Variants in PCDHA2 observed in about 807,000 individuals in gnomAD.
The protein encoded by PCDHA2 is protocadherin alpha 2.
PCDHA2 carries 58 observed loss-of-function variants against 66.0 expected under a neutral mutation model. That is an observed-to-expected ratio of 0.88 (90% CI 0.71 to 1.09). PCDHA2 has a LOEUF of 1.09. Ranked by LOEUF, PCDHA2 falls within the 50% of genes least tolerant of loss-of-function variation. The pLI is 0.00. For synonymous variants in PCDHA2, 634 were observed against 554.0 expected (o/e 1.14, Z -2.03); for missense variants, 1,267 against 1,242.3 (o/e 1.02, Z -0.30).
At chr5:140,947,769 A>G (rs2094173274) in intron 1 of PCDHA2, among the ~76,000 whole-genome samples, 1 of 151,626 alleles carries the variant, frequency 6.6e-6, no homozygotes, top group South Asian at 2.1e-4. Context: ...AAAAAATTCT[A>G]TTGTAAATGG....
At chr5:141,001,314 T>A (rs34374778) in intron 3 of PCDHA2, among the ~76,000 whole-genome samples, 7,675 of 152,288 alleles carry the variant, frequency 0.05, 243 homozygotes, top group South Asian at 0.11. Flanking sequence ...TGAAATAATT[T>A]GCCAAACATC....
chr5:140,848,601 C>T (rs2150414189), intron 1 of PCDHA2: 4 of 1,593,618 alleles, frequency 2.5e-6, no homozygotes, highest in Admixed American at 3.4e-5. Context: ...CTACTCCGTC[C>T]CGGAGGAAGC....
chr5:140,795,951 A>G lies in PCDHA2; in HGVS notation c.987A>G (p.Ser329=). 1 of 1,614,148 alleles carries G rather than the reference A, an allele frequency of 6.2e-7. No individual in the cohort carries two copies. The highest frequency in any genetic ancestry group is 1.6e-4 in the Middle Eastern group (1 of 6,062). Residue 329 remains serine, a synonymous_variant, in exon 1 of 4, where the codon TCA becomes TCG. Coordinates refer to ENST00000526136, the MANE Select transcript of PCDHA2 (RefSeq NM_018905.3). ...QVTATDKGTP[S]MSGHCKISLK... ...CTGCAACTGACAAAGGAACCCCTTC[A>G]ATGTCAGGACATTGTAAAATTTCAT...
rs1299292999 is a variant in PCDHA2, at chr5:140,940,635, T to G, written c.2389-38314T>G. Among the ~76,000 whole-genome samples the G allele has an allele frequency of 5.3e-5, 8 of 152,214 alleles. 1 individual carries two copies. The highest frequency in any genetic ancestry group is 5.2e-4 in the Admixed American group (8 of 15,286). On this transcript the variant is annotated intron_variant, in intron 1 of 3. Coordinates refer to ENST00000526136, the MANE Select transcript of PCDHA2 (RefSeq NM_018905.3). ...GCTCCTGCAAATATTCTTAAGCTTG[T>G]CATTTATTTATTTAAATATATTAAA...
rs183412283 is a variant in PCDHA2 at position 140,968,329 on chromosome 5, T to C, written c.2389-10620T>C. On this transcript the variant is annotated intron_variant, in intron 1 of 3. Transcript: ENST00000526136. ...TTCAAGGGCTGCCAGTCACCTCCTA[T>C]GTCTCCATTAACAGTGCCAGTGGCA... is the stretch of plus-strand genomic sequence containing the variant. 7.7e-5 allele frequency: 125 copies of C among 1,614,150 alleles called. 1 individual carries two copies. In the East Asian group the frequency reaches 2.7e-3, roughly 34 times the overall value.
chr5:140,844,012 A>G (rs2150368214), intron 1 of PCDHA2, among the ~76,000 whole-genome samples: 3 of 149,698 alleles, frequency 2.0e-5, no homozygotes, highest in African/African-American at 7.3e-5. Flanking sequence ...TACTCTAAGG[A>G]CGTTCAGGGC....
In PCDHA2 at chr5:140,929,760, G is replaced by A. The variant is rs139688975; in HGVS notation, c.2389-49189G>A. 1,459 of 180,340 alleles carry A rather than the reference G, an allele frequency of 8.1e-3. 10 individuals carry two copies. Among genetic ancestry groups the A allele is most frequent in the African/African-American group, 0.019 (807 of 42,220 alleles). The allele number at this position is 180,340 out of a possible 1,614,324, so 11.2% of individuals were successfully genotyped here. A position where few individuals can be genotyped will look rare whatever the true frequency, so the allele number is the denominator to read the frequency against. Reference sequence around the variant, plus strand: ...TTGCAATGCATTATTAAAAGATGACGATAACCACAAAAGATGTAAAAATAA... The same window carrying A: ...TTGCAATGCATTATTAAAAGATGACAATAACCACAAAAGATGTAAAAATAA... On this transcript the variant is annotated intron_variant, in intron 1 of 3. Transcript: ENST00000526136.
chr5:140,877,260 G>A (rs1329010026), intron 1 of PCDHA2: 3 of 1,613,766 alleles, frequency 1.9e-6, no homozygotes, highest in African/African-American at 2.7e-5. Context: ...AAGTGCGCGC[G>A]GTGGACGCTG....
At chr5:140,968,852 A>G (rs1554231175) in intron 1 of PCDHA2, 1 of 1,614,196 alleles carries the variant, frequency 6.2e-7, no homozygotes, top group Non-Finnish European at 8.5e-7. Flanking sequence ...GAGGCATGTT[A>G]AGAGCCCTCG....
chr5:140,825,429 A>G (rs1291872136), intron 1 of PCDHA2: 2 of 147,480 alleles, frequency 1.4e-5, no homozygotes, highest in Non-Finnish European at 3.0e-5. Context: ...TATATAATAA[A>G]TATATAATAA....
intron 1 of PCDHA2, among the ~76,000 whole-genome samples, chr5:140,899,664 G>A (rs1263525075): frequency 2.0e-5 from 3 of 152,126 alleles, no homozygotes; most frequent in African/African-American, 4.8e-5. Context: ...GTCTCTGCCC[G>A]GCTTTGGTAT....
In PCDHA2 at chr5:140,848,449, A is replaced by C. The variant is rs2150410589; in HGVS notation, c.2388+51097A>C. The C allele has an allele frequency of 8.6e-6, 13 of 1,509,804 alleles. 2 individuals are homozygous for C. In the Admixed American group the frequency reaches 2.4e-4, roughly 28 times the overall value. The allele number at this position is 1,509,804 out of a possible 1,614,324, so 93.5% of individuals were successfully genotyped here. On this transcript the variant is annotated intron_variant, in intron 1 of 3. Coordinates refer to ENST00000526136, the MANE Select transcript of PCDHA2 (RefSeq NM_018905.3). ...CTGACGAAATCAGATGATTTCTTCT[A>C]ATTTGGAGGCAATTTTCACTAATTA...
At chr5:140,991,101 T>C (rs1281707030) in intron 3 of PCDHA2, among the ~76,000 whole-genome samples, 3 of 152,218 alleles carry the variant, frequency 2.0e-5, no homozygotes, top group African/African-American at 4.8e-5. Flanking sequence ...CTCATAAGAA[T>C]TAAGTGGCTT....
chr5:141,007,094 A>G (rs559556000), intron 3 of PCDHA2, among the ~76,000 whole-genome samples: 1 of 152,300 alleles, frequency 6.6e-6, no homozygotes, highest in Admixed American at 6.5e-5. Context: ...AAGAGAGTCT[A>G]GGGCCAAACC....
chr5:140,934,534 G>A (rs1248269957), intron 1 of PCDHA2, among the ~76,000 whole-genome samples: 1 of 152,062 alleles, frequency 6.6e-6, no homozygotes, highest in Admixed American at 6.6e-5. Flanking sequence ...GAGAGCTACC[G>A]TTCTAATTCT....
In PCDHA2 at chr5:140,858,081, C is replaced by G. The variant is rs782778779; in HGVS notation, c.2388+60729C>G. 1.0e-5 allele frequency: 16 copies of G among 1,597,646 alleles called. No individual in the cohort carries two copies. Among genetic ancestry groups the G allele is most frequent in the Admixed American group, 1.7e-5 (1 of 59,270 alleles). On this transcript the variant is annotated intron_variant, in intron 1 of 3. Transcript: ENST00000526136. The stretch of plus-strand genomic sequence containing the variant: ...GAGGGCAGCCAGGCACCCAAGGCCT[C>G]GTCGCGGGCTTCAGTGGGCGTGGCG...
At chr5:140,910,072 T>A (rs546252378) in intron 1 of PCDHA2, among the ~76,000 whole-genome samples, 359 of 152,300 alleles carry the variant, frequency 2.4e-3, no homozygotes, top group African/African-American at 8.0e-3. Flanking sequence ...ACAGCGTAAA[T>A]TGTTGTCAAG....
At chr5:140,802,523 C>T (rs782486389) in intron 1 of PCDHA2, 9 of 1,614,050 alleles carry the variant, frequency 5.6e-6, no homozygotes, top group African/African-American at 5.3e-5. Flanking sequence ...CCAGCGTGTC[C>T]GTGGAGGTGG....
intron 1 of PCDHA2, chr5:140,842,438 A>G (rs1777945140): frequency 6.2e-7 from 1 of 1,613,768 alleles, no homozygotes; most frequent in Non-Finnish European, 8.5e-7. Flanking sequence ...CGCCCTAATT[A>G]GCGTGAACGA....
Sources: gnomAD v4.1 joint callset for allele counts (sites outside exome capture counted in the v4.1 genomes callset) on GRCh38, gnomAD v4.1.1 for gene constraint, MANE v1.5 for transcripts, NCBI Gene and HGNC (gene_info 2026-07-23, HGNC 2026-07-21) for gene names.